Variants in PLXNA4 observed in about 807,000 individuals in gnomAD.
PLXNA4 encodes plexin A4, also known as plexin-A4.
Under a neutral mutation model 191.8 loss-of-function variants are expected in PLXNA4, and 44 were observed. The observed-to-expected ratio is 0.23, with a 90% CI of 0.18 to 0.29. The LOEUF is 0.29. Ranked by LOEUF, PLXNA4 falls within the 10% of genes least tolerant of loss-of-function variation. The probability of loss-of-function intolerance (pLI) is 1.00; values close to 1 mark genes in which losing one functional copy is unlikely to be tolerated. For missense variants in PLXNA4, 1,800 were observed against 2,488.8 expected (o/e 0.72, Z 5.89); for synonymous variants, 1,082 against 1,009.5 (o/e 1.07, Z -1.36).
intron 3 of PLXNA4, among the ~76,000 whole-genome samples, chr7:132,473,571 A>T (rs969405020): frequency 6.6e-6 from 1 of 152,200 alleles, no homozygotes; most frequent in Admixed American, 6.5e-5. Flanking sequence ...TCAAATAAAC[A>T]TAGGTACTTA....
intron 1 of PLXNA4, among the ~76,000 whole-genome samples, chr7:132,563,090 CTT>C (rs1801378876): frequency 2.6e-5 from 2 of 75,492 alleles, no homozygotes; most frequent in African/African-American, 4.9e-5. Context: ...TCCTCCTCCT[CTT>C]CTTCCTCCTC....
rs1431001160 is a variant in PLXNA4 at position 132,187,526 on chromosome 7, T to C, written c.2938A>G (p.Asn980Asp). The C allele has an allele frequency of 6.2e-7, 1 of 1,613,988 alleles. No homozygotes were observed. The highest frequency in any genetic ancestry group is 8.5e-7 in the Non-Finnish European group (1 of 1,179,988). The part of the protein sequence containing the change: ...TQVTITGTNL[N>D]AGSNVVVMFG... ...ATCACCACCACGTTGCTTCCGGCAT[T>C]CAGGTTGGTGCCTGTGATGGTCACT... The change falls in exon 15 of 32, where the codon AAT becomes GAT. Residue 980 changes from asparagine to aspartate, a missense_variant. By Grantham distance (23) the Asn-to-Asp change is conservative. This residue lies in a region of PLXNA4 where 1,397 missense variants were observed against 1,880.4 expected (regional missense o/e 0.74). Transcript: ENST00000321063.
At chr7:132,495,816 C>A (rs1389919835) in intron 2 of PLXNA4, among the ~76,000 whole-genome samples, 1 of 152,192 alleles carries the variant, frequency 6.6e-6, no homozygotes, top group East Asian at 1.9e-4. Context: ...CCCACCAAAC[C>A]TTTGGTTCCT....
rs1425857858 is a variant in PLXNA4 at position 132,508,700 on chromosome 7, G to A, written c.-7C>T. On this transcript the variant is annotated 5_prime_UTR_variant, in exon 2 of 32. Coordinates refer to ENST00000321063, the MANE Select transcript of PLXNA4 (RefSeq NM_020911.2). The surrounding 1 kb of genome is among the most constrained non-coding windows in gnomAD (Gnocchi z 4.4). The stretch of plus-strand genomic sequence containing the variant: ...TCCAGGGCATGGCTTTCATGGCAGA[G>A]GCGGGTCCCAGTGGCACAGCAGCAC... The A allele has an allele frequency of 6.7e-7, 1 of 1,497,346 alleles. No homozygotes were observed. The highest frequency in any genetic ancestry group is 1.4e-5 in the African/African-American group (1 of 72,018). 92.8% of individuals were successfully genotyped at this position (1,497,346 alleles called of 1,614,324 possible). A position where few individuals can be genotyped will look rare whatever the true frequency, so the allele number is the denominator to read the frequency against.
intron 3 of PLXNA4, among the ~76,000 whole-genome samples, chr7:132,322,275 G>T (rs1462469538): frequency 6.6e-6 from 1 of 151,046 alleles, no homozygotes; most frequent in African/African-American, 2.4e-5. Flanking sequence ...CTCTGCTCTT[G>T]GGTTCAAGCG....
intron 9 of PLXNA4, among the ~76,000 whole-genome samples, chr7:132,214,466 CCA>C (rs1562925511): frequency 6.6e-6 from 1 of 152,074 alleles, no homozygotes; most frequent in African/African-American, 2.4e-5. Context: ...CTGATTGACC[CCA>C]GTGTCCCTCC....
chr7:132,643,885 G>C (rs1055683592), intron 2 of PLXNA4, among the ~76,000 whole-genome samples: 1 of 152,030 alleles, frequency 6.6e-6, no homozygotes, highest in African/African-American at 2.4e-5. Context: ...CCAGGAGTTT[G>C]AGGCTGCAGT....
At chr7:132,227,643 G>A (rs1409970503) in intron 6 of PLXNA4, 39 bp from the exon 7 acceptor site, 2 of 1,613,380 alleles carry the variant, frequency 1.2e-6, no homozygotes, top group Non-Finnish European at 1.7e-6. Flanking sequence ...GGAGGAGGGT[G>A]AAATGGGAAA....
intron 24 of PLXNA4, among the ~76,000 whole-genome samples, chr7:132,161,292 A>T (rs1795941840): frequency 6.6e-6 from 1 of 152,258 alleles, no homozygotes; most frequent in African/African-American, 2.4e-5. Flanking sequence ...GCGTGGCCTC[A>T]TGAGAACAAC....
At chr7:132,534,331 C>T (rs1182249661) in intron 1 of PLXNA4, among the ~76,000 whole-genome samples, 1 of 152,212 alleles carries the variant, frequency 6.6e-6, no homozygotes, top group African/African-American at 2.4e-5. Context: ...CTACTAACTA[C>T]TTCCACCATT....
intron 3 of PLXNA4, among the ~76,000 whole-genome samples, chr7:132,348,012 T>C (rs1287956054): frequency 6.6e-6 from 1 of 152,122 alleles, no homozygotes; most frequent in Non-Finnish European, 1.5e-5. Context: ...AGGAAAACAT[T>C]CCATTTGCCT....
Position 132,234,711 on chromosome 7 carries a change from C to G in PLXNA4, c.1605-6242G>C, listed in dbSNP as rs1353979819. 7.2e-5 allele frequency among the ~76,000 whole-genome samples: 11 copies of G among 151,756 alleles called. No homozygotes were observed. The East Asian group carries it at 2.1e-3, about 29-fold the overall frequency. ...TAAGTCATACTATGTCTCTGCTAAGCCATTGGAGAGGAAAATTCCAATGTA... is the reference window on the plus strand; with the variant it reads ...TAAGTCATACTATGTCTCTGCTAAGGCATTGGAGAGGAAAATTCCAATGTA... On this transcript the variant is annotated intron_variant, in intron 5 of 31. Coordinates refer to ENST00000321063, the MANE Select transcript of PLXNA4 (RefSeq NM_020911.2).
rs533114998 is a variant in PLXNA4 at position 132,165,140 on chromosome 7, G to A, written c.4347C>T (p.Phe1449=). The A allele has an allele frequency of 3.1e-6, 5 of 1,613,052 alleles. No individual in the cohort carries two copies. The African/African-American group carries it at 5.3e-5, about 17-fold the overall frequency. The change falls in exon 23 of 32, where the codon TTC becomes TTT. Residue 1449 remains phenylalanine, a synonymous_variant. Transcript: ENST00000321063. The part of the protein sequence containing the change: ...TNWFTFLLYK[F]LKECAGEPLF... Reference sequence around the variant, plus strand: ...CGTCCACATCCAACCCTACCTTGAGGAACTTGTAGAGGAGGAAAGTAAACC... The same window carrying A: ...CGTCCACATCCAACCCTACCTTGAGAAACTTGTAGAGGAGGAAAGTAAACC...
At chr7:132,635,304 G>C (rs1305879008) in intron 2 of PLXNA4, among the ~76,000 whole-genome samples, 1 of 151,750 alleles carries the variant, frequency 6.6e-6, no homozygotes, top group Non-Finnish European at 1.5e-5. Flanking sequence ...AAAGGTCATA[G>C]CGTACTTAGT....
rs200749903 is a variant in PLXNA4 at position 132,181,536 on chromosome 7, C to T, written c.3337G>A (p.Glu1113Lys). Residue 1113 changes from glutamate (E) to lysine (K), a missense_variant, in exon 18 of 32, where the codon GAG becomes AAG. Transcript: ENST00000321063. ...ATGAAGCCAAACTCCTCGGGCCTCTCGGTCAGGTCTGACTGGTGGTCAGGA... is the reference window on the plus strand; with the variant it reads ...ATGAAGCCAAACTCCTCGGGCCTCTTGGTCAGGTCTGACTGGTGGTCAGGA... Reference protein sequence around the residue: ...LGPDHQSDLTERPEEFGFILD... With the variant: ...LGPDHQSDLTKRPEEFGFILD... 2.2e-5 allele frequency: 35 copies of T among 1,614,176 alleles called. No individual in the cohort carries two copies. The highest frequency in any genetic ancestry group is 1.6e-4 in the Middle Eastern group (1 of 6,062).
chr7:132,148,837 T>A (rs897281893), intron 25 of PLXNA4, among the ~76,000 whole-genome samples, 191 bp from the exon 26 acceptor site: 1 of 152,230 alleles, frequency 6.6e-6, no homozygotes, highest in Admixed American at 6.5e-5. Context: ...GTTCTGGTTC[T>A]AAGCCCAACA....
At chr7:132,135,177 T>G (rs917789496) in intron 30 of PLXNA4, among the ~76,000 whole-genome samples, 1 of 152,228 alleles carries the variant, frequency 6.6e-6, no homozygotes, top group Non-Finnish European at 1.5e-5. Flanking sequence ...TAAAGGGCTA[T>G]CTTCACAGGC....
chr7:132,570,690 G>C (rs1801938648), intron 1 of PLXNA4, among the ~76,000 whole-genome samples: 1 of 152,214 alleles, frequency 6.6e-6, no homozygotes, highest in Admixed American at 6.5e-5. Flanking sequence ...AAGACCTCGG[G>C]AATTGATTCA....
At chr7:132,644,970 G>A (rs1369111574) in intron 2 of PLXNA4, among the ~76,000 whole-genome samples, 1 of 152,208 alleles carries the variant, frequency 6.6e-6, no homozygotes, top group Non-Finnish European at 1.5e-5. Context: ...GGGTATTGGA[G>A]AGACCAACAG....
Sources: gnomAD v4.1 joint callset for allele counts (sites outside exome capture counted in the v4.1 genomes callset) on GRCh38, gnomAD v4.1.1 for gene constraint, gnomAD v4.1.1 regional missense constraint, Gnocchi (gnomAD v3.1) non-coding constraint, MANE v1.5 for transcripts, NCBI Gene and HGNC (gene_info 2026-07-23, HGNC 2026-07-21) for gene names.